CNOT9: variants seen among roughly 807,000 people sequenced by gnomAD.
CNOT9 encodes RCD1 required for cell differentiation1 homolog.
A neutral mutation model predicts 37.4 loss-of-function variants in CNOT9; 8 were observed. The observed-to-expected ratio is 0.21, with a 90% confidence interval of 0.13 to 0.39. The LOEUF is 0.39. CNOT9 is among the 10% of genes least tolerant of loss of function. CNOT9 has a pLI of 1.00. For missense variants in CNOT9, 154 were observed against 365.3 expected (o/e 0.42, Z 4.71); for synonymous variants, 120 against 137.6 (o/e 0.87, Z 0.90).
intron 1 of CNOT9, among the ~76,000 whole-genome samples, chr2:218,578,520 A>G (rs1036106010): frequency 1.3e-5 from 2 of 152,246 alleles, no homozygotes; most frequent in Non-Finnish European, 2.9e-5. Context: ...ACTTATAAGT[A>G]CTGTGAGAAA....
rs768993950 is a variant in CNOT9, at chr2:218,594,196, C to T, written c.820C>T (p.Arg274Cys). 2.5e-6 allele frequency: 4 copies of T among 1,614,238 alleles called. No individual in the cohort carries two copies. The highest frequency in any genetic ancestry group is 3.4e-6 in the Non-Finnish European group (4 of 1,180,042). ...QVLKDDTTTK[R>C]WLAQLVKNLQ... The stretch of plus-strand genomic sequence containing the variant: ...GCTAAAAGATGACACCACCACGAAA[C>T]GCTGGCTTGCACAACTGGTGAAGAA... The change falls in exon 8 of 8, where the codon CGC (arginine) becomes TGC (cysteine). Residue 274 changes from arginine to cysteine, a missense_variant. Physicochemically the swap from Arg to Cys is radical, Grantham distance 180. Around this residue, in one of 2 missense-constraint regions of CNOT9, gnomAD observed 117 missense variants for 325.4 expected, o/e 0.36. Coordinates refer to ENST00000273064, the MANE Select transcript of CNOT9 (RefSeq NM_005444.3).
Position 218,594,104 on chromosome 2 carries a change from G to A in CNOT9, c.732-4G>A. On this transcript the variant is annotated splice_polypyrimidine_tract_variant and splice_region_variant and intron_variant, in intron 7 of 7. Coordinates refer to ENST00000273064, the MANE Select transcript of CNOT9 (RefSeq NM_005444.3). Reference sequence around the variant, plus strand: ...CCTGGTTGGTTTGTTTGTTTCTGATGTAGGGCACGTGAAGCACTCAGACAG... The same window carrying A: ...CCTGGTTGGTTTGTTTGTTTCTGATATAGGGCACGTGAAGCACTCAGACAG... 3 of 1,614,098 alleles carry A rather than the reference G, an allele frequency of 1.9e-6. No homozygotes were observed. The highest frequency in any genetic ancestry group is 2.5e-6 in the Non-Finnish European group (3 of 1,179,954).
intron 1 of CNOT9, among the ~76,000 whole-genome samples, chr2:218,578,968 G>C (rs187264977): frequency 2.0e-5 from 3 of 152,228 alleles, no homozygotes; most frequent in Admixed American, 2.0e-4. Flanking sequence ...AGTAATGAAT[G>C]GTTCTCAAAG....
intron 7 of CNOT9, chr2:218,593,714 T>C: frequency 8.0e-7 from 1 of 1,242,548 alleles, no homozygotes; most frequent in Non-Finnish European, 1.0e-6. Flanking sequence ...TTAAAATTCA[T>C]TAAGTTATCA....
chr2:218,588,313 G>T (rs1433362115), intron 5 of CNOT9, among the ~76,000 whole-genome samples: 3 of 148,098 alleles, frequency 2.0e-5, no homozygotes, highest in African/African-American at 7.5e-5. Flanking sequence ...CTCTGAGATG[G>T]AGTCTTGCTG....
chr2:218,593,816 A>G, intron 7 of CNOT9: 1 of 1,240,938 alleles, frequency 8.1e-7, no homozygotes, highest in East Asian at 2.8e-5. Flanking sequence ...TTTTGACAGT[A>G]TTTAATAAAT....
chr2:218,580,770 G>C (rs750672423), intron 2 of CNOT9, 30 bp downstream of exon 2: 1 of 1,585,836 alleles, frequency 6.3e-7, no homozygotes, highest in Non-Finnish European at 8.6e-7. Context: ...TGGCAGTTCA[G>C]TTCTTTTCAT....
At chr2:218,583,337 C>T (rs1221075498) in intron 3 of CNOT9, among the ~76,000 whole-genome samples, 1 of 150,344 alleles carries the variant, frequency 6.7e-6, no homozygotes, top group Non-Finnish European at 1.5e-5. Context: ...TTTAAAGAAA[C>T]AGTGTTCACA....
chr2:218,577,069 A>G (rs571495636), intron 1 of CNOT9, among the ~76,000 whole-genome samples: 77 of 152,244 alleles, frequency 5.1e-4, no homozygotes, highest in Middle Eastern at 6.8e-3. Flanking sequence ...TTGCTAGAAC[A>G]CCTGGGTACA....
chr2:218,571,937 C>T (rs541300264), intron 1 of CNOT9, among the ~76,000 whole-genome samples: 6 of 151,818 alleles, frequency 4.0e-5, no homozygotes, highest in Non-Finnish European at 5.9e-5. Flanking sequence ...ATATTCATTA[C>T]CGCTACCATT....
intron 1 of CNOT9, among the ~76,000 whole-genome samples, chr2:218,578,689 G>C (rs909724634): frequency 1.3e-5 from 2 of 152,086 alleles, no homozygotes; most frequent in African/African-American, 4.8e-5. Flanking sequence ...TCTCATGGTT[G>C]GGGGCAATTA....
chr2:218,589,862 C>T (rs920739826), intron 5 of CNOT9, among the ~76,000 whole-genome samples: 8 of 152,090 alleles, frequency 5.3e-5, no homozygotes, highest in Non-Finnish European at 8.8e-5. Context: ...CTGTCAAAGG[C>T]ATTGTTGAGC....
intron 1 of CNOT9, among the ~76,000 whole-genome samples, chr2:218,577,672 C>G (rs1276967157): frequency 6.6e-6 from 1 of 152,164 alleles, no homozygotes; most frequent in Admixed American, 6.5e-5. Flanking sequence ...GCCTGGTGTT[C>G]AGGAGGCATG....
At chr2:218,572,393 G>A (rs190461349) in intron 1 of CNOT9, among the ~76,000 whole-genome samples, 3 of 151,884 alleles carry the variant, frequency 2.0e-5, no homozygotes, top group Admixed American at 6.6e-5. Context: ...TATGTGACTT[G>A]TTCCCAGACT....
chr2:218,581,118 C>A (rs1574989624), intron 2 of CNOT9: 5 of 350,932 alleles, frequency 1.4e-5, no homozygotes, highest in East Asian at 8.2e-5. Context: ...CCACAAGGTA[C>A]AATATATTCT....
At chr2:218,569,603 A>G (rs534407312) in intron 1 of CNOT9, among the ~76,000 whole-genome samples, 2 of 152,324 alleles carry the variant, frequency 1.3e-5, no homozygotes, top group South Asian at 2.1e-4. Flanking sequence ...ACTCCTTGCC[A>G]TAGCCTGCAC....
Position 218,583,084 on chromosome 2 carries a change from C to G in CNOT9, c.318C>G (p.Thr106=), listed in dbSNP as rs527245736. 3.1e-6 allele frequency: 5 copies of G among 1,601,350 alleles called. No homozygotes were observed. In the South Asian group the frequency reaches 4.4e-5, roughly 14 times the overall value. Reference sequence around the variant, plus strand: ...AATGTGTAGCATCACATCCAGAAACCAGGTAAATGCTTTGGGTGAGTCACT... The same window carrying G: ...AATGTGTAGCATCACATCCAGAAACGAGGTAAATGCTTTGGGTGAGTCACT... The part of the protein sequence containing the change: ...LLQCVASHPE[T]RSAFLAAHIP... Residue 106 remains threonine, a splice_region_variant and synonymous_variant, in exon 3 of 8, where the codon ACC becomes ACG. Coordinates refer to ENST00000273064, the MANE Select transcript of CNOT9 (RefSeq NM_005444.3).
intron 5 of CNOT9, among the ~76,000 whole-genome samples, chr2:218,590,824 T>G (rs1052478866): frequency 8.3e-5 from 12 of 143,864 alleles, no homozygotes; most frequent in African/African-American, 3.2e-4. Context: ...TGTTGTTGTT[T>G]TGTTTGTTTG....
intron 5 of CNOT9, among the ~76,000 whole-genome samples, chr2:218,590,240 T>TTTA (rs1694728252): frequency 1.3e-5 from 2 of 152,184 alleles, no homozygotes; most frequent in Admixed American, 1.3e-4. Context: ...GCTAATTTTT[T>TTTA]GTATTTTTAG....
Sources: allele counts gnomAD v4.1 joint callset (sites outside exome capture counted in the v4.1 genomes callset), GRCh38; gene constraint gnomAD v4.1.1; regional missense constraint gnomAD v4.1.1; transcripts MANE v1.5; gene names NCBI Gene and HGNC (gene_info 2026-07-23, HGNC 2026-07-21).